Variants in DLC1 observed in about 807,000 individuals in gnomAD.
The protein encoded by DLC1 is DLC1 Rho GTPase activating protein, also known as rho GTPase-activating protein 7.
A neutral mutation model predicts 140.3 loss-of-function variants in DLC1; 54 were observed. That is an observed-to-expected ratio of 0.38 (90% CI 0.31 to 0.48). DLC1 has a LOEUF of 0.48. Ranked by LOEUF, DLC1 falls within the 20% of genes least tolerant of loss-of-function variation. The pLI, the probability that DLC1 is intolerant of heterozygous loss-of-function variation, is 0.96. For synonymous variants in DLC1, 986 were observed against 728.1 expected, an observed-to-expected ratio of 1.35 and a Z score of -5.70; for missense variants, 2,536 against 1,907.0, an observed-to-expected ratio of 1.33 and a Z score of -6.14.
intron 5 of DLC1, among the ~76,000 whole-genome samples, chr8:13,153,325 G>A (rs180835326): frequency 6.6e-6 from 1 of 152,336 alleles, no homozygotes; most frequent in East Asian, 1.9e-4. Flanking sequence ...CCCGGCCAGA[G>A]CTCTCCATTC....
intron 4 of DLC1, among the ~76,000 whole-genome samples, chr8:13,306,879 A>T (rs1243168276): frequency 2.0e-5 from 3 of 151,456 alleles, no homozygotes; most frequent in East Asian, 1.9e-4. Flanking sequence ...AGGTCAGGAG[A>T]TCGAGACCAG....
At chr8:13,111,476 T>C (rs1820105177) in intron 6 of DLC1, among the ~76,000 whole-genome samples, 1 of 152,120 alleles carries the variant, frequency 6.6e-6, no homozygotes. Flanking sequence ...TGTAGAAGAG[T>C]TCATTCAGTT....
At chr8:13,375,113 C>T (rs1238214384) in intron 4 of DLC1, among the ~76,000 whole-genome samples, 1 of 151,438 alleles carries the variant, frequency 6.6e-6, no homozygotes, top group Non-Finnish European at 1.5e-5. Flanking sequence ...CTGCAAGCTC[C>T]GCCTCCCGGC....
At chr8:13,509,842 T>A (rs961308947) in intron 1 of DLC1, among the ~76,000 whole-genome samples, 3 of 152,172 alleles carry the variant, frequency 2.0e-5, no homozygotes, top group African/African-American at 7.2e-5. Flanking sequence ...GTTACCTAAA[T>A]TCTATGTACC....
At chr8:13,406,811 G>T (rs896382132) in intron 2 of DLC1, among the ~76,000 whole-genome samples, 2 of 152,154 alleles carry the variant, frequency 1.3e-5, no homozygotes, top group Non-Finnish European at 1.5e-5. Flanking sequence ...AGAATTTAGT[G>T]CCTGTTTAGA....
chr8:13,567,666 T>C, intron 1 of DLC1: 1 of 1,551,870 alleles, frequency 6.4e-7, no homozygotes, highest in South Asian at 1.2e-5. Flanking sequence ...TGGAGTCATT[T>C]CTACTCCAAG....
intron 5 of DLC1, among the ~76,000 whole-genome samples, chr8:13,191,784 C>A (rs541238081): frequency 6.6e-6 from 1 of 152,098 alleles, no homozygotes; most frequent in African/African-American, 2.4e-5. Context: ...CAACATTCTC[C>A]TTTCTGGATC....
chr8:13,353,897 C>T (rs897342159), intron 4 of DLC1, among the ~76,000 whole-genome samples: 2 of 151,634 alleles, frequency 1.3e-5, no homozygotes, highest in African/African-American at 2.4e-5. Flanking sequence ...TACTTTGTAA[C>T]GTGCCACACT....
chr8:13,267,095 G>A (rs145160094), intron 5 of DLC1, among the ~76,000 whole-genome samples: 1 of 152,300 alleles, frequency 6.6e-6, no homozygotes. Flanking sequence ...TCTTGTAACA[G>A]CACAAAAGAA....
In DLC1 at chr8:13,500,008, A is replaced by AAG; in HGVS notation, c.62_63dup (p.Phe22LeufsTer15). 6.2e-7 allele frequency: 1 copy of AAG among 1,614,102 alleles called. No homozygotes were observed. The highest frequency in any genetic ancestry group is 2.2e-5 in the East Asian group (1 of 44,878). On this transcript the variant is annotated frameshift_variant, in exon 2 of 18. Coordinates refer to ENST00000276297, the MANE Select transcript of DLC1 (RefSeq NM_182643.3). LOFTEE classifies it high-confidence loss of function. ...GCTGTGTTACGATCATCAGAATTAA[A>AAG]AGGCTGTCCCATCCAGTGGGTCACA...
At chr8:13,446,236 T>C (rs140543847) in intron 2 of DLC1, among the ~76,000 whole-genome samples, 2 of 152,200 alleles carry the variant, frequency 1.3e-5, no homozygotes, top group African/African-American at 2.4e-5. Flanking sequence ...GCAACATCCC[T>C]TGGGGATGGA....
chr8:13,217,926 G>A (rs183295574), intron 5 of DLC1, among the ~76,000 whole-genome samples: 64 of 151,972 alleles, frequency 4.2e-4, no homozygotes, highest in Non-Finnish European at 8.4e-4. Flanking sequence ...AAGGGCTTGC[G>A]TCCTCTTTGA....
intron 2 of DLC1, among the ~76,000 whole-genome samples, chr8:13,434,059 T>A (rs1585100437): frequency 1.3e-5 from 2 of 152,188 alleles, no homozygotes. Context: ...GTCTTTTTAA[T>A]TGAGATGGAG....
chr8:13,395,182 G>A (rs939730080), intron 3 of DLC1, among the ~76,000 whole-genome samples: 28 of 150,648 alleles, frequency 1.9e-4, no homozygotes, highest in African/African-American at 5.4e-4. Context: ...GTGCAATGGC[G>A]CAATCTTGGC....
chr8:13,594,646 G>T (rs769225494), intron 1 of DLC1, among the ~76,000 whole-genome samples: 7 of 151,974 alleles, frequency 4.6e-5, no homozygotes, highest in Non-Finnish European at 8.8e-5. Flanking sequence ...GTCTTTTCAA[G>T]ACAATATCCT....
At chr8:13,189,637 C>G (rs1023253627) in intron 5 of DLC1, among the ~76,000 whole-genome samples, 2 of 152,184 alleles carry the variant, frequency 1.3e-5, no homozygotes, top group Admixed American at 1.3e-4. Flanking sequence ...AATCCCAGCA[C>G]TTTGGAAGGC....
At chr8:13,326,314 C>T (rs1028502119) in intron 4 of DLC1, among the ~76,000 whole-genome samples, 1 of 152,170 alleles carries the variant, frequency 6.6e-6, no homozygotes, top group Non-Finnish European at 1.5e-5. Context: ...GGAAGGGTTG[C>T]ATTTATAGCA....
At chr8:13,174,154 C>T (rs1359259449) in intron 5 of DLC1, among the ~76,000 whole-genome samples, 1 of 152,120 alleles carries the variant, frequency 6.6e-6, no homozygotes, top group Admixed American at 6.6e-5. Flanking sequence ...AGGATAATGG[C>T]CTCCAGCTGC....
chr8:13,136,950 A>T (rs1822607318), intron 5 of DLC1, among the ~76,000 whole-genome samples: 1 of 152,228 alleles, frequency 6.6e-6, no homozygotes, highest in Non-Finnish European at 1.5e-5. Context: ...TGAGGGTTTT[A>T]CGAGGCTTGA....
Sources: allele counts gnomAD v4.1 joint callset (sites outside exome capture counted in the v4.1 genomes callset), GRCh38; gene constraint gnomAD v4.1.1; transcripts MANE v1.5; gene names NCBI Gene and HGNC (gene_info 2026-07-23, HGNC 2026-07-21).